Variants in FGF13 observed in about 807,000 individuals in gnomAD.
FGF13 encodes fibroblast growth factor 13.
FGF13 carries 2 observed loss-of-function variants against 19.5 expected under a neutral mutation model. The observed-to-expected ratio is 0.10, with a 90% CI of 0.04 to 0.32. The LOEUF (loss-of-function observed/expected upper bound fraction) is 0.32. Among genes scored for constraint, FGF13 ranks in the 10% least tolerant of loss-of-function variants. The probability of loss-of-function intolerance (pLI) is 1.00; values close to 1 mark genes in which losing one functional copy is unlikely to be tolerated. For missense variants in FGF13, 113 were observed against 192.7 expected (o/e 0.59, Z 2.45); for synonymous variants, 72 against 76.9 (o/e 0.94, Z 0.33).
chrX:139,075,096 A>C (rs770332238), intron 1 of FGF13, among the ~76,000 whole-genome samples: 1 of 112,152 alleles, frequency 8.9e-6, no homozygotes, highest in South Asian at 3.7e-4. Flanking sequence ...TGGTGAACAT[A>C]TGAATAACTT....
In FGF13 at chrX:138,984,523, GGAAGAAGAA is replaced by G. The variant is rs1209275314; in HGVS notation, c.-112-119882_-112-119874del. On this transcript the variant is annotated intron_variant, in intron 1 of 2. Transcript: ENST00000421460. ...AAGGAGAAGAAGAGGAAGAAGAAGA[GGAAGAAGAA>G]GAAGAAGAAGAAGAAGAAGAAGAAG... 4.7e-3 allele frequency among the ~76,000 whole-genome samples: 149 copies of G among 31,565 alleles called. 4 individuals are homozygous for G. The highest frequency in any genetic ancestry group is 0.014 in the African/African-American group (116 of 8,129). 27.4% of individuals were successfully genotyped at this position (31,565 alleles called of 115,157 possible).
chrX:138,776,728 T>C (rs1394841561), intron 3 of FGF13, among the ~76,000 whole-genome samples: 1 of 112,181 alleles, frequency 8.9e-6, no homozygotes, highest in African/African-American at 3.2e-5. Context: ...CCTTTGCTAA[T>C]ACTTATATCC....
chrX:139,110,007 A>G (rs1224798263), intron 1 of FGF13, among the ~76,000 whole-genome samples: 1 of 111,665 alleles, frequency 9.0e-6, no homozygotes, highest in Non-Finnish European at 1.9e-5. Flanking sequence ...TCATAGAAGA[A>G]GATGCTTACA....
intron 3 of FGF13, among the ~76,000 whole-genome samples, chrX:138,685,450 A>T (rs752002487): frequency 9.0e-6 from 1 of 111,535 alleles, no homozygotes; most frequent in Non-Finnish European, 1.9e-5. Context: ...CCATAAAAAA[A>T]CTGTCATAAA....
chrX:139,089,624 T>C (rs2083427018), intron 1 of FGF13, among the ~76,000 whole-genome samples: 1 of 111,801 alleles, frequency 8.9e-6, no homozygotes. Flanking sequence ...AGTTTCTTCA[T>C]CTCAACTGAA....
intron 1 of FGF13, among the ~76,000 whole-genome samples, chrX:139,047,473 T>C (rs2092291179): frequency 9.0e-6 from 1 of 111,392 alleles, no homozygotes; most frequent in Non-Finnish European, 1.9e-5. Flanking sequence ...TATGTATACA[T>C]GTGCCATGCT....
chrX:138,946,241 T>C (rs1978835742), intron 1 of FGF13, among the ~76,000 whole-genome samples: 1 of 111,679 alleles, frequency 9.0e-6, no homozygotes, highest in Admixed American at 9.6e-5. Context: ...GGGGGCTCTT[T>C]GTTAGGAAGT....
intron 1 of FGF13, among the ~76,000 whole-genome samples, chrX:138,925,188 A>G (rs1442608031): frequency 1.8e-5 from 2 of 111,977 alleles, no homozygotes; most frequent in African/African-American, 6.5e-5. Flanking sequence ...GTCTCTCGGC[A>G]AAGCAGATGT....
At chrX:138,772,263 A>G (rs944512850) in intron 3 of FGF13, among the ~76,000 whole-genome samples, 2 of 109,072 alleles carry the variant, frequency 1.8e-5, no homozygotes, top group Admixed American at 9.8e-5. Context: ...TGTTCCAGAA[A>G]TTAGACTTGT....
intron 1 of FGF13, among the ~76,000 whole-genome samples, chrX:138,878,985 T>C (rs2091407761): frequency 8.9e-6 from 1 of 111,900 alleles, no homozygotes; most frequent in South Asian, 3.7e-4. Context: ...CTTCGCCCAC[T>C]TTTTGATGGG....
At chrX:138,961,347 A>C (rs747197374) in intron 1 of FGF13, among the ~76,000 whole-genome samples, 10 of 111,747 alleles carry the variant, frequency 8.9e-5, no homozygotes, top group Non-Finnish European at 1.3e-4. Flanking sequence ...CGGAGGCTGC[A>C]GAACAGCAAA....
intron 1 of FGF13, among the ~76,000 whole-genome samples, chrX:138,958,582 T>C (rs769405213): frequency 8.9e-6 from 1 of 112,142 alleles, no homozygotes; most frequent in African/African-American, 3.2e-5. Context: ...ATTGGAATAG[T>C]TTCAGAAGGA....
chrX:138,933,096 A>G (rs1708063468), intron 1 of FGF13, among the ~76,000 whole-genome samples: 1 of 111,266 alleles, frequency 9.0e-6, no homozygotes, highest in Admixed American at 9.6e-5. Context: ...AAATATTTTC[A>G]TCATGTCAAT....
chrX:139,164,195 G>A (rs767775434), intron 1 of FGF13, among the ~76,000 whole-genome samples: 8 of 109,099 alleles, frequency 7.3e-5, no homozygotes, highest in Admixed American at 6.9e-4. Context: ...ATGCTGGTGC[G>A]CTGCACCCAC....
At chrX:138,674,278 A>G (rs1403225691) in intron 3 of FGF13, among the ~76,000 whole-genome samples, 4 of 111,588 alleles carry the variant, frequency 3.6e-5, no homozygotes, top group African/African-American at 1.3e-4. Flanking sequence ...TAGATGAGAG[A>G]ACAAAGTAAA....
In FGF13 at chrX:138,629,148, A is replaced by G. The variant is rs912761777; in HGVS notation, c.*3702T>C. ...GCCAAGCTTAAAACAAAAGAAGCAT[A>G]TAAAACACCACAGGTGATTCAGGTA... is the stretch of plus-strand genomic sequence containing the variant. On this transcript the variant is annotated 3_prime_UTR_variant, in exon 5 of 5. Coordinates refer to ENST00000315930, the MANE Select transcript of FGF13 (RefSeq NM_004114.5). 8.9e-6 allele frequency: 1 copy of G among 111,741 alleles called. No homozygotes were observed. The highest frequency in any genetic ancestry group is 1.9e-5 in the Non-Finnish European group (1 of 53,179). The allele number at this position is 111,741 out of a possible 1,213,427, so 9.2% of individuals were successfully genotyped here. A position where few individuals can be genotyped will look rare whatever the true frequency, so the allele number is the denominator to read the frequency against.
At chrX:139,128,860 T>G (rs2083738124) in intron 1 of FGF13, among the ~76,000 whole-genome samples, 1 of 111,375 alleles carries the variant, frequency 9.0e-6, no homozygotes, top group South Asian at 3.8e-4. Flanking sequence ...TATCTATAAA[T>G]ATTAGTTATA....
intron 1 of FGF13, among the ~76,000 whole-genome samples, chrX:139,089,798 A>G (rs904388517): frequency 8.9e-6 from 1 of 112,223 alleles, no homozygotes; most frequent in African/African-American, 3.2e-5. Context: ...AAAATGCTCA[A>G]TAAGTGTTAC....
chrX:139,054,988 C>T (rs1262241050), intron 1 of FGF13, among the ~76,000 whole-genome samples: 2 of 109,751 alleles, frequency 1.8e-5, no homozygotes, highest in African/African-American at 3.3e-5. Flanking sequence ...TCCGCTTGGT[C>T]GCTGTTGGTG....
Sources: gnomAD v4.1 joint callset for allele counts (sites outside exome capture counted in the v4.1 genomes callset) on GRCh38, gnomAD v4.1.1 for gene constraint, MANE v1.5 for transcripts, NCBI Gene and HGNC (gene_info 2026-07-23, HGNC 2026-07-21) for gene names.